The following DCHS2 variants were observed in gnomAD, a reference collection of about 807,000 sequenced individuals.
DCHS2 encodes protocadherin-23.
In DCHS2, 142 loss-of-function variants were observed where a neutral mutation model predicts 182.4. The ratio of observed to expected loss-of-function variants is 0.78; its 90% CI spans 0.68 to 0.89. The LOEUF (loss-of-function observed/expected upper bound fraction) is 0.89, where lower values mean the gene tolerates loss of function less well. DCHS2 is among the 40% of genes least tolerant of loss of function. The pLI is 0.00. For missense variants in DCHS2, 4,319 were observed against 4,198.6 expected, an observed-to-expected ratio of 1.03 and a Z score of -0.79; for synonymous variants, 1,740 against 1,663.3, an observed-to-expected ratio of 1.05 and a Z score of -1.12.
At chr4:154,262,224 G>A (rs879913154) in intron 14 of DCHS2, 3 of 152,158 alleles carry the variant, frequency 2.0e-5, no homozygotes, top group Admixed American at 2.0e-4. Context: ...TGGATCGACG[G>A]TTCTAATGCT....
intron 1 of DCHS2, among the ~76,000 whole-genome samples, chr4:154,405,185 G>C (rs147549337): frequency 7.2e-4 from 110 of 152,204 alleles, no homozygotes; most frequent in African/African-American, 2.6e-3. Flanking sequence ...GGGAGGTTGA[G>C]GTTGCAAGTG....
In DCHS2 at chr4:154,377,323, C is replaced by G; in HGVS notation, c.2174G>C (p.Cys725Ser). The G allele has an allele frequency of 6.2e-7, 1 of 1,613,686 alleles. No individual in the cohort carries two copies. Among genetic ancestry groups the G allele is most frequent in the South Asian group, 1.1e-5 (1 of 91,060 alleles). Residue 725 changes from cysteine (C) to serine (S), a missense_variant, in exon 2 of 20, where the codon TGT becomes TCT. Physicochemically the swap from Cys to Ser is moderately radical, Grantham distance 112 (BLOSUM62 -1). Transcript: ENST00000357232. ...FRIDPHDGQI[C>S]VSQDIDRERD... ...TTCCCTGTCGATATCTTGAGAAACA[C>G]AGATTTGCCCATCATGAGGGTCGAT...
At chr4:154,272,450 C>G (rs1733643657) in intron 13 of DCHS2, among the ~76,000 whole-genome samples, 2 of 152,116 alleles carry the variant, frequency 1.3e-5, no homozygotes, top group Non-Finnish European at 2.9e-5. Context: ...TCCTCATAAT[C>G]TTCACGTGTC....
In DCHS2 at chr4:154,271,565, T is replaced by C. The variant is rs1578890944; in HGVS notation, c.6464-1552A>G. The stretch of plus-strand genomic sequence containing the variant: ...AAACCAGGTAGGGCAGCTGTCTGTA[T>C]GGGAAGCTCTGTGGAAAAAGTCATC... On this transcript the variant is annotated intron_variant, in intron 13 of 19. Transcript: ENST00000357232. Among the ~76,000 whole-genome samples the C allele has an allele frequency of 3.3e-5, 5 of 152,136 alleles. No individual in the cohort carries two copies. The South Asian group carries it at 1.0e-3, about 31-fold the overall frequency.
intron 1 of DCHS2, among the ~76,000 whole-genome samples, chr4:154,426,266 AT>A (rs1361874967): frequency 6.6e-6 from 1 of 152,176 alleles, no homozygotes; most frequent in African/African-American, 2.4e-5. Flanking sequence ...GATATATCTC[AT>A]GTCTTCTTCA....
intron 1 of DCHS2, among the ~76,000 whole-genome samples, chr4:154,450,590 T>G (rs2110975607): frequency 6.6e-6 from 1 of 152,270 alleles, no homozygotes; most frequent in South Asian, 2.1e-4. Flanking sequence ...CCCAGCACTT[T>G]GGGAGGCCAA....
At chr4:154,347,772 AG>A (rs1190291707) in intron 3 of DCHS2, among the ~76,000 whole-genome samples, 1 of 151,956 alleles carries the variant, frequency 6.6e-6, no homozygotes, top group African/African-American at 2.4e-5. Flanking sequence ...AAGCATGCAT[AG>A]GAAGTCCGCT....
At chr4:154,480,537 C>T (rs1192432340) in intron 1 of DCHS2, among the ~76,000 whole-genome samples, 2 of 152,124 alleles carry the variant, frequency 1.3e-5, no homozygotes, top group Non-Finnish European at 2.9e-5. Flanking sequence ...TGCCATAATA[C>T]ATTTTTCAAA....
chr4:154,407,185 T>C (rs1390524615), intron 1 of DCHS2, among the ~76,000 whole-genome samples: 1 of 152,202 alleles, frequency 6.6e-6, no homozygotes, highest in Non-Finnish European at 1.5e-5. Flanking sequence ...TCGCTTGGGA[T>C]TGAGGGCTCT....
Position 154,491,655 on chromosome 4 carries a change from T to A in DCHS2, c.-300A>T. The A allele has an allele frequency of 8.0e-7, 1 of 1,252,426 alleles. No homozygotes were observed. The highest frequency in any genetic ancestry group is 1.0e-6 in the Non-Finnish European group (1 of 1,000,304). The allele number at this position is 1,252,426 out of a possible 1,614,324, so 77.6% of individuals were successfully genotyped here. A position where few individuals can be genotyped will look rare whatever the true frequency, so the allele number is the denominator to read the frequency against. ...TTTTTCTCTCTCCTTTTATTCCCTT[T>A]ACATCTGTTCCTTGTTCTACTCGGC... On this transcript the variant is annotated 5_prime_UTR_variant, in exon 1 of 20. The change creates a premature stop within an existing upstream ORF in the 5' untranslated region. Coordinates refer to ENST00000357232, the MANE Select transcript of DCHS2 (RefSeq NM_001358235.2).
At chr4:154,450,770 T>C (rs1734498494) in intron 1 of DCHS2, among the ~76,000 whole-genome samples, 1 of 151,696 alleles carries the variant, frequency 6.6e-6, no homozygotes, top group Admixed American at 6.6e-5. Flanking sequence ...AAGGCAGAGG[T>C]TACAGTGAGC....
At chr4:154,337,730 A>ATTT (rs1728876159) in intron 3 of DCHS2, among the ~76,000 whole-genome samples, 1 of 145,352 alleles carries the variant, frequency 6.9e-6, no homozygotes, top group Non-Finnish European at 1.5e-5. Context: ...TTCTAGCCAT[A>ATTT]TTTTATTATT....
rs757346321 is a variant in DCHS2, at chr4:154,328,053, T to C, written c.4018+40A>G. ...GATAGTTGATAAATGAAAGCAGAAATCCTAAAAGTTCTTAATCCCGTATGA... is the reference window on the plus strand; with the variant it reads ...GATAGTTGATAAATGAAAGCAGAAACCCTAAAAGTTCTTAATCCCGTATGA... On this transcript the variant is annotated intron_variant, in intron 7 of 19. Coordinates refer to ENST00000357232, the MANE Select transcript of DCHS2 (RefSeq NM_001358235.2). 3.5e-5 allele frequency: 50 copies of C among 1,415,288 alleles called. 1 individual carries two copies. The South Asian group carries it at 6.8e-4, about 19-fold the overall frequency. 87.7% of individuals were successfully genotyped at this position (1,415,288 alleles called of 1,614,324 possible).
intron 3 of DCHS2, among the ~76,000 whole-genome samples, chr4:154,345,042 C>T (rs1369335075): frequency 6.6e-6 from 1 of 152,200 alleles, no homozygotes; most frequent in Non-Finnish European, 1.5e-5. Flanking sequence ...TTCTCTCCTC[C>T]TCCTGTTGTC....
At position 154,258,615 on chromosome 4, in the gene DCHS2, G is replaced by A. The variant is rs557986998; in HGVS notation, c.6789+930C>T. Among the ~76,000 whole-genome samples, 6 of 152,208 alleles carry A rather than the reference G, an allele frequency of 3.9e-5. No homozygotes were observed. The East Asian group carries it at 9.7e-4, about 25-fold the overall frequency. ...TAGTCTCGAACTCCTGACCTCAGGT[G>A]ATCCACCTGCCTTGGCCTCCCAAAG... On this transcript the variant is annotated intron_variant, in intron 15 of 19. Coordinates refer to ENST00000357232, the MANE Select transcript of DCHS2 (RefSeq NM_001358235.2).
intron 1 of DCHS2, among the ~76,000 whole-genome samples, chr4:154,387,634 C>T: frequency 6.6e-6 from 1 of 151,824 alleles, no homozygotes; most frequent in Non-Finnish European, 1.5e-5. Flanking sequence ...AAAGAAATTT[C>T]AAAGCAAAGA....
chr4:154,444,550 C>A (rs1734183479), intron 1 of DCHS2, among the ~76,000 whole-genome samples: 1 of 152,192 alleles, frequency 6.6e-6, no homozygotes, highest in African/African-American at 2.4e-5. Context: ...CCACCCTGGG[C>A]TGAGCCAGCA....
intron 1 of DCHS2, among the ~76,000 whole-genome samples, chr4:154,410,568 C>T (rs1732587716): frequency 8.5e-6 from 1 of 117,698 alleles, no homozygotes; most frequent in Admixed American, 9.0e-5. Flanking sequence ...GAGCAAGACT[C>T]CATCTCAAAA....
chr4:154,358,790 T>C (rs968448392), intron 3 of DCHS2, among the ~76,000 whole-genome samples: 8 of 151,954 alleles, frequency 5.3e-5, no homozygotes, highest in African/African-American at 1.9e-4. Flanking sequence ...TATAACTGAC[T>C]AGTAATTGTA....
Sources: gnomAD v4.1 joint callset for allele counts (sites outside exome capture counted in the v4.1 genomes callset) on GRCh38, gnomAD v4.1.1 for gene constraint, MANE v1.5 for transcripts, NCBI Gene and HGNC (gene_info 2026-07-23, HGNC 2026-07-21) for gene names.